Variants in ATXN7L1 observed in about 807,000 individuals in gnomAD.
The protein encoded by ATXN7L1 is ataxin-7-like protein 1.
A neutral mutation model predicts 70.8 loss-of-function variants in ATXN7L1; 15 were observed. The ratio of observed to expected loss-of-function variants is 0.21; its 90% CI spans 0.14 to 0.33. The LOEUF (loss-of-function observed/expected upper bound fraction) is 0.33. Ranked by LOEUF, ATXN7L1 falls within the 10% of genes least tolerant of loss-of-function variation. ATXN7L1 has a pLI of 1.00. For synonymous variants in ATXN7L1, 440 were observed against 445.1 expected (o/e 0.99, Z 0.14); for missense variants, 975 against 1,097.1 (o/e 0.89, Z 1.57).
intron 4 of ATXN7L1, among the ~76,000 whole-genome samples, chr7:105,645,247 A>C (rs1798812633): frequency 6.6e-6 from 1 of 152,190 alleles, no homozygotes; most frequent in Non-Finnish European, 1.5e-5. Context: ...TAATATGGTA[A>C]ATTTTATGTT....
chr7:105,717,113 A>AT (rs1266161852), intron 3 of ATXN7L1, among the ~76,000 whole-genome samples: 1 of 151,814 alleles, frequency 6.6e-6, no homozygotes, highest in African/African-American at 2.4e-5. Flanking sequence ...CATTATAAAC[A>AT]TTTTTTCATG....
intron 3 of ATXN7L1, among the ~76,000 whole-genome samples, chr7:105,785,624 A>C (rs1419339708): frequency 6.6e-6 from 1 of 152,110 alleles, no homozygotes; most frequent in Non-Finnish European, 1.5e-5. Context: ...CTATGGACTG[A>C]ATGTTTGCGT....
chr7:105,728,923 T>A (rs976143555), intron 3 of ATXN7L1, among the ~76,000 whole-genome samples: 2 of 152,072 alleles, frequency 1.3e-5, no homozygotes, highest in Admixed American at 6.6e-5. Context: ...TAACCCAAAG[T>A]ACAAAATAAA....
intron 3 of ATXN7L1, among the ~76,000 whole-genome samples, chr7:105,741,192 C>A (rs1399228577): frequency 1.3e-5 from 2 of 152,240 alleles, no homozygotes; most frequent in Non-Finnish European, 2.9e-5. Context: ...GATGTGAATT[C>A]TTTGGCACTG....
intron 3 of ATXN7L1, among the ~76,000 whole-genome samples, chr7:105,725,809 G>A (rs568699485): frequency 3.3e-5 from 5 of 152,058 alleles, no homozygotes; most frequent in African/African-American, 9.6e-5. Flanking sequence ...TCGAACTCCC[G>A]ACCTCAGGAG....
intron 2 of ATXN7L1, among the ~76,000 whole-genome samples, chr7:105,842,838 C>G (rs1421039474): frequency 6.6e-6 from 1 of 152,172 alleles, no homozygotes; most frequent in East Asian, 1.9e-4. Flanking sequence ...AATTTCTCCA[C>G]AATCCTCGCC....
At chr7:105,615,017 A>G (rs1282904643) in intron 9 of ATXN7L1, among the ~76,000 whole-genome samples, 3 of 152,014 alleles carry the variant, frequency 2.0e-5, no homozygotes, top group Non-Finnish European at 4.4e-5. Flanking sequence ...CCAGCAACCT[A>G]ATTTTCATCA....
At chr7:105,661,826 T>C (rs760132131) in intron 4 of ATXN7L1, among the ~76,000 whole-genome samples, 1 of 152,200 alleles carries the variant, frequency 6.6e-6, no homozygotes, top group Non-Finnish European at 1.5e-5. Flanking sequence ...TCAGCCTCAT[T>C]CATGGTGCAC....
At position 105,843,181 on chromosome 7, in the gene ATXN7L1, C is replaced by T. The variant is rs377071290; in HGVS notation, c.250+32631G>A. ...CCTATGTTCAGCAAGCAAATGGTGG[C>T]CCCAAGGTTAGGGTGGGATTTGGGA... On this transcript the variant is annotated intron_variant, in intron 2 of 11. Transcript: ENST00000419735. 7.2e-5 allele frequency among the ~76,000 whole-genome samples: 11 copies of T among 152,122 alleles called. No homozygotes were observed. The South Asian group carries it at 2.1e-3, about 29-fold the overall frequency.
At chr7:105,654,453 G>C (rs942747339) in intron 4 of ATXN7L1, among the ~76,000 whole-genome samples, 19 of 152,340 alleles carry the variant, frequency 1.2e-4, no homozygotes, top group African/African-American at 4.6e-4. Flanking sequence ...CAAAATGAAG[G>C]GCAGAGAGAG....
intron 2 of ATXN7L1, among the ~76,000 whole-genome samples, chr7:105,865,448 C>T (rs941649841): frequency 1.3e-5 from 2 of 151,186 alleles, no homozygotes; most frequent in African/African-American, 2.4e-5. Context: ...GTTGCCCAGG[C>T]TGGGGTGCAG....
chr7:105,719,735 T>G (rs1939553), intron 3 of ATXN7L1, among the ~76,000 whole-genome samples: 39,528 of 152,056 alleles, frequency 0.26, 5,580 homozygotes, highest in East Asian at 0.39. Flanking sequence ...TGGGAAGGGT[T>G]AGGATTTGGC....
intron 3 of ATXN7L1, among the ~76,000 whole-genome samples, chr7:105,702,614 A>G (rs1414432211): frequency 6.6e-6 from 1 of 152,188 alleles, no homozygotes; most frequent in East Asian, 1.9e-4. Context: ...TAAATAGGAA[A>G]GAGAAATGCA....
chr7:105,685,412 G>A (rs555928220), intron 3 of ATXN7L1, among the ~76,000 whole-genome samples: 3 of 152,322 alleles, frequency 2.0e-5, no homozygotes, highest in Non-Finnish European at 2.9e-5. Context: ...AAGCCAAGGA[G>A]GAACCTATAG....
chr7:105,724,239 G>A (rs576453164), intron 3 of ATXN7L1, among the ~76,000 whole-genome samples: 3 of 152,296 alleles, frequency 2.0e-5, no homozygotes, highest in African/African-American at 7.2e-5. Flanking sequence ...TTGGATGGAT[G>A]TGTGAAAGCT....
At position 105,663,632 on chromosome 7, in the gene ATXN7L1, G is replaced by A. The variant is rs1026681871; in HGVS notation, c.578+1434C>T. 2.0e-5 allele frequency among the ~76,000 whole-genome samples: 3 copies of A among 152,288 alleles called. 1 individual carries two copies. The highest frequency in any genetic ancestry group is 2.0e-4 in the Admixed American group (3 of 15,296). ...GCCAGTTCCTTAAGTACTCCAAGGT[G>A]GGTGCCAACAGCATTTGAAGATACT... is the stretch of plus-strand genomic sequence containing the variant. On this transcript the variant is annotated intron_variant, in intron 4 of 11. Transcript: ENST00000419735.
At chr7:105,784,492 C>G (rs1300581723) in intron 3 of ATXN7L1, among the ~76,000 whole-genome samples, 1 of 151,476 alleles carries the variant, frequency 6.6e-6, no homozygotes, top group Non-Finnish European at 1.5e-5. Flanking sequence ...ACTAGTATAC[C>G]AAGATCTTGA....
intron 2 of ATXN7L1, among the ~76,000 whole-genome samples, chr7:105,867,717 T>C (rs1817686600): frequency 6.6e-6 from 1 of 152,246 alleles, no homozygotes; most frequent in Non-Finnish European, 1.5e-5. Flanking sequence ...TGGACAGATA[T>C]TGGCAGAATA....
chr7:105,692,417 CCTT>C lies in ATXN7L1; in HGVS notation c.356-27132_356-27130del, dbSNP rs564459339. On this transcript the variant is annotated intron_variant, in intron 3 of 11. Transcript: ENST00000419735. Reference sequence around the variant, plus strand: ...TCCTTCCTTCCTTCCTTCCTTCCTTCCTTCCTTCCTCCCTCCCTCCCTCCCTCC... The same window carrying C: ...TCCTTCCTTCCTTCCTTCCTTCCTTCCCTTCCTCCCTCCCTCCCTCCCTCC... Among the ~76,000 whole-genome samples, 3 of 134,940 alleles carry C rather than the reference CCTT, an allele frequency of 2.2e-5. 1 individual carries two copies. Among genetic ancestry groups the C allele is most frequent in the East Asian group, 4.3e-4 (2 of 4,610 alleles). 88.5% of individuals were successfully genotyped at this position (134,940 alleles called of 152,430 possible). A position where few individuals can be genotyped will look rare whatever the true frequency, so the allele number is the denominator to read the frequency against.
Sources: gnomAD v4.1 joint callset for allele counts (sites outside exome capture counted in the v4.1 genomes callset) on GRCh38, gnomAD v4.1.1 for gene constraint, MANE v1.5 for transcripts, NCBI Gene and HGNC (gene_info 2026-07-23, HGNC 2026-07-21) for gene names.